The following USP51 variants were observed in gnomAD, a reference collection of about 807,000 sequenced individuals.
The protein encoded by USP51 is ubiquitin carboxyl-terminal hydrolase 51.
USP51 carries 5 observed loss-of-function variants against 17.6 expected under a neutral mutation model. That is an observed-to-expected ratio of 0.28 (90% confidence interval 0.15 to 0.60). The LOEUF (loss-of-function observed/expected upper bound fraction) is 0.60. Among genes scored for constraint, USP51 ranks in the 20% least tolerant of loss-of-function variants. USP51 has a pLI of 0.88. For synonymous variants in USP51, 248 were observed against 216.1 expected (o/e 1.15, Z -1.29); for missense variants, 459 against 559.5 (o/e 0.82, Z 1.81).
At position 55,488,587 on chromosome X, in the gene USP51, G is replaced by A. The variant is rs1297462278; in HGVS notation, c.353C>T (p.Pro118Leu). ...AGGCGGGGGTGGGGCCGAGAGCCCA[G>A]GCTGGCTGCGGGAGCGGGCCCGGGG... ...PQPRARSRSQ[P>L]GLSAPPPPPA... The change falls in exon 3 of 3, where the codon CCT (proline) becomes CTT (leucine). Residue 118 changes from proline (P) to leucine (L), a missense_variant. Around this residue, in one of 2 missense-constraint regions of USP51, gnomAD observed 232 missense variants for 194.0 expected, o/e 1.20. Transcript: ENST00000500968. 9.2e-7 allele frequency: 1 copy of A among 1,090,086 alleles called. No individual in the cohort carries two copies. Among genetic ancestry groups the A allele is most frequent in the African/African-American group, 1.9e-5 (1 of 52,278 alleles). 89.8% of individuals were successfully genotyped at this position (1,090,086 alleles called of 1,213,427 possible).
Position 55,487,488 on chromosome X carries a change from T to A in USP51, c.1452A>T (p.Ile484=), listed in dbSNP as rs775690248. 1 of 1,212,089 alleles carries A rather than the reference T, an allele frequency of 8.3e-7. No individual in the cohort carries two copies. The highest frequency in any genetic ancestry group is 1.1e-6 in the Non-Finnish European group (1 of 895,634). Residue 484 remains isoleucine (I), a synonymous_variant, in exon 3 of 3, where the codon ATA becomes ATT. Coordinates refer to ENST00000500968, the MANE Select transcript of USP51 (RefSeq NM_201286.4). Reference sequence around the variant, plus strand: ...GCAGGCCACCTGTAAAGATTTGGTCTATGATGCAGTTACAGCAGTTGGGGT... The same window carrying A: ...GCAGGCCACCTGTAAAGATTTGGTCAATGATGCAGTTACAGCAGTTGGGGT... ...ANNPNCCNCI[I]DQIFTGGLQS...
At position 55,487,121 on chromosome X, in the gene USP51, G is replaced by T; in HGVS notation, c.1819C>A (p.Arg607=). 2 of 1,211,476 alleles carry T rather than the reference G, an allele frequency of 1.7e-6. No homozygotes were observed. Among genetic ancestry groups the T allele is most frequent in the Non-Finnish European group, 2.2e-6 (2 of 895,421 alleles). Residue 607 remains arginine, a synonymous_variant, in exon 3 of 3, where the codon CGA becomes AGA. Coordinates refer to ENST00000500968, the MANE Select transcript of USP51 (RefSeq NM_201286.4). ...AAGGAGATAAAGGTATTAATCTTTCGCCTCTGTTTGCCTACATGCTCAAAC... is the reference window on the plus strand; with the variant it reads ...AAGGAGATAAAGGTATTAATCTTTCTCCTCTGTTTGCCTACATGCTCAAAC... ...KRFEHVGKQR[R]KINTFISFPL...
Position 55,488,889 on chromosome X carries a change from C to T in USP51, c.51G>A (p.Trp17Ter), listed in dbSNP as rs1350424143. Residue 17 changes from tryptophan (W) to a stop codon, truncating the protein, a stop_gained, in exon 3 of 3, where the codon TGG becomes TGA. Coordinates refer to ENST00000500968, the MANE Select transcript of USP51 (RefSeq NM_201286.4). LOFTEE classifies it low-confidence loss of function (END_TRUNC). ...TSLPSGSGVR[W>*]ISGGGGGASP... Reference sequence around the variant, plus strand: ...AGGCTCCTCCCCCACCTCCGGAGATCCAGCGGACCCCAGAGCCGGAGGGCA... The same window carrying T: ...AGGCTCCTCCCCCACCTCCGGAGATTCAGCGGACCCCAGAGCCGGAGGGCA... 2 of 1,207,356 alleles carry T rather than the reference C, an allele frequency of 1.7e-6. No homozygotes were observed. Among genetic ancestry groups the T allele is most frequent in the African/African-American group, 3.5e-5 (2 of 57,192 alleles).
rs2031304525 is a variant in USP51 at position 55,485,632 on chromosome X, C to T, written c.*1172G>A. On this transcript the variant is annotated 3_prime_UTR_variant, in exon 3 of 3. Coordinates refer to ENST00000500968, the MANE Select transcript of USP51 (RefSeq NM_201286.4). Reference sequence around the variant, plus strand: ...AAATAAAAAAATAGAACTTCTTAAACTTTTAATTTTAATAATTTTTTCTAC... The same window carrying T: ...AAATAAAAAAATAGAACTTCTTAAATTTTTAATTTTAATAATTTTTTCTAC... 1 of 110,379 alleles carries T rather than the reference C, an allele frequency of 9.1e-6. No individual in the cohort carries two copies. The allele number at this position is 110,379 out of a possible 1,213,427, so 9.1% of individuals were successfully genotyped here.
At chrX:55,489,645 C>T (rs948282088) in intron 1 of USP51, among the ~76,000 whole-genome samples, 131 bp downstream of exon 1, 2 of 111,985 alleles carry the variant, frequency 1.8e-5, no homozygotes, top group Non-Finnish European at 3.8e-5. Flanking sequence ...TTACTACTCC[C>T]TCCCTTCACG....
In USP51 at chrX:55,488,853, C is replaced by T. The variant is rs777377179; in HGVS notation, c.87G>A (p.Glu29=). 2 of 1,211,324 alleles carry T rather than the reference C, an allele frequency of 1.7e-6. No homozygotes were observed. Among genetic ancestry groups the T allele is most frequent in the South Asian group, 3.5e-5 (2 of 56,836 alleles). The part of the protein sequence containing the change: ...SGGGGGASPE[E]AVEKAGKMEE... ...CCATTTTCCCCGCCTTCTCAACCGC[C>T]TCCTCAGGAGAGGCTCCTCCCCCAC... The change falls in exon 3 of 3, where the codon GAG becomes GAA. Residue 29 remains glutamate, a synonymous_variant. Transcript: ENST00000500968.
chrX:55,488,621 G>T lies in USP51; in HGVS notation c.319C>A (p.Arg107=). The T allele has an allele frequency of 8.7e-7, 1 of 1,154,377 alleles. No individual in the cohort carries two copies. Among genetic ancestry groups the T allele is most frequent in the South Asian group, 1.9e-5 (1 of 51,426 alleles). Residue 107 remains arginine, a synonymous_variant, in exon 3 of 3, where the codon CGG becomes AGG. Coordinates refer to ENST00000500968, the MANE Select transcript of USP51 (RefSeq NM_201286.4). ...CGGGAGCGGGCCCGGGGCTGGGGCC[G>T]AGGGCGGGGCTTGCGGCGCGGGCAA... ...PVCPRRKPRP[R]PQPRARSRSQ...
Position 55,488,367 on chromosome X carries a change from A to AT in USP51, c.572_573insA (p.Pro192SerfsTer11). The AT allele has an allele frequency of 8.3e-7, 1 of 1,211,402 alleles. No homozygotes were observed. Among genetic ancestry groups the AT allele is most frequent in the Non-Finnish European group, 1.1e-6 (1 of 895,218 alleles). ...TCTCCACATGAGAGCAGCCTGTGGG[A>AT]CCCTGACCAAACTCGACCTCCAGCA... is the stretch of plus-strand genomic sequence containing the variant. On this transcript the variant is annotated frameshift_variant, in exon 3 of 3. Coordinates refer to ENST00000500968, the MANE Select transcript of USP51 (RefSeq NM_201286.4). LOFTEE classifies it low-confidence loss of function (END_TRUNC).
rs751272584 is a variant in USP51 at position 55,487,534 on chromosome X, C to G, written c.1406G>C (p.Ser469Thr). Reference sequence around the variant, plus strand: ...GGGGTTATTGGCCTCCTGCCCACCACTATCATCTTTGCTGTGTCTATGTAG... The same window carrying G: ...GGGGTTATTGGCCTCCTGCCCACCAGTATCATCTTTGCTGTGTCTATGTAG... ...DVLHRHSKDD[S>T]GGQEANNPNC... The change falls in exon 3 of 3, where the codon AGT becomes ACT. Residue 469 changes from serine (S) to threonine (T), a missense_variant. This residue lies in a region of USP51 where 227 missense variants were observed against 365.5 expected (regional missense o/e 0.62). Transcript: ENST00000500968. The G allele has an allele frequency of 8.3e-7, 1 of 1,212,085 alleles. No individual in the cohort carries two copies. Among genetic ancestry groups the G allele is most frequent in the Non-Finnish European group, 1.1e-6 (1 of 895,619 alleles).
At position 55,488,788 on chromosome X, in the gene USP51, C is replaced by T. The variant is rs369085088; in HGVS notation, c.152G>A (p.Arg51His). Residue 51 changes from arginine (R) to histidine (H), a missense_variant, in exon 3 of 3, where the codon CGT becomes CAT. Physicochemically the swap from Arg to His is conservative, Grantham distance 29 (BLOSUM62 0). Coordinates refer to ENST00000500968, the MANE Select transcript of USP51 (RefSeq NM_201286.4). ...CTCCAGCTTCATCTCCTCGGCTTCACGTCTCGAAGACGCCTTCGTAGCCCC... is the reference window on the plus strand; with the variant it reads ...CTCCAGCTTCATCTCCTCGGCTTCATGTCTCGAAGACGCCTTCGTAGCCCC... ...AAGATKASSR[R>H]EAEEMKLEPL... 11 of 1,209,035 alleles carry T rather than the reference C, an allele frequency of 9.1e-6. No homozygotes were observed. The highest frequency in any genetic ancestry group is 1.2e-5 in the Non-Finnish European group (11 of 895,187).
Position 55,489,243 on chromosome X carries a change from C to T in USP51, c.-124G>A. 3.2e-6 allele frequency: 1 copy of T among 308,956 alleles called. No homozygotes were observed. Among genetic ancestry groups the T allele is most frequent in the Non-Finnish European group, 5.6e-6 (1 of 177,999 alleles). The allele number at this position is 308,956 out of a possible 1,213,427, so 25.5% of individuals were successfully genotyped here. On this transcript the variant is annotated 5_prime_UTR_variant, in exon 2 of 3. Transcript: ENST00000500968. ...AGCGAGCGGTGGGGGTGGGGAACGG[C>T]CTGAGCTTTAGGACAGAAAGGATGG...
chrX:55,486,754 A>C lies in USP51; in HGVS notation c.*50T>G, dbSNP rs767018942. The C allele has an allele frequency of 7.8e-6, 9 of 1,150,334 alleles. No individual in the cohort carries two copies. The African/African-American group carries it at 1.6e-4, about 21-fold the overall frequency. 94.8% of individuals were successfully genotyped at this position (1,150,334 alleles called of 1,213,427 possible). A position where few individuals can be genotyped will look rare whatever the true frequency, so the allele number is the denominator to read the frequency against. ...CCAAGTAGGTCTGTGTGTCACTTCA[A>C]AATCCTTGCCTAATCATTTACTTTT... On this transcript the variant is annotated 3_prime_UTR_variant, in exon 3 of 3. Transcript: ENST00000500968.
chrX:55,488,538 C>A lies in USP51; in HGVS notation c.402G>T (p.Pro134=). 1 of 674,092 alleles carries A rather than the reference C, an allele frequency of 1.5e-6. No individual in the cohort carries two copies. The highest frequency in any genetic ancestry group is 1.9e-6 in the Non-Finnish European group (1 of 526,642). 55.6% of individuals were successfully genotyped at this position (674,092 alleles called of 1,213,427 possible). A position where few individuals can be genotyped will look rare whatever the true frequency, so the allele number is the denominator to read the frequency against. The change falls in exon 3 of 3, where the codon CCG becomes CCT. Residue 134 remains proline (P), a synonymous_variant. Coordinates refer to ENST00000500968, the MANE Select transcript of USP51 (RefSeq NM_201286.4). ...GCGGTGCGGGTGGGGGCGGGGGTGG[C>A]GGCGGGGGCGGGGGCCGGGCTGGAG... is the stretch of plus-strand genomic sequence containing the variant. ...PPPPARPPPP[P]PPPPPPAPRP... is the part of the protein sequence containing the mutation.
In USP51 at chrX:55,486,088, C is replaced by T. The variant is rs2031312317; in HGVS notation, c.*716G>A. The T allele has an allele frequency of 9.0e-6, 1 of 110,824 alleles. No individual in the cohort carries two copies. The highest frequency in any genetic ancestry group is 1.9e-5 in the Non-Finnish European group (1 of 52,748). The allele number at this position is 110,824 out of a possible 1,213,427, so 9.1% of individuals were successfully genotyped here. On this transcript the variant is annotated 3_prime_UTR_variant, in exon 3 of 3. Coordinates refer to ENST00000500968, the MANE Select transcript of USP51 (RefSeq NM_201286.4). ...CTTTGTTTCTAACTTTAATTTTTAA[C>T]AGTATTTTCTTCCTTTTTTTGGTAA...
rs774473708 is a variant in USP51, at chrX:55,488,883, G to C, written c.57C>G (p.Ser19=). ...CAGGAGAGGCTCCTCCCCCACCTCCGGAGATCCAGCGGACCCCAGAGCCGG... is the reference window on the plus strand; with the variant it reads ...CAGGAGAGGCTCCTCCCCCACCTCCCGAGATCCAGCGGACCCCAGAGCCGG... ...LPSGSGVRWI[S]GGGGGASPEE... The change falls in exon 3 of 3, where the codon TCC becomes TCG. Residue 19 remains serine, a synonymous_variant. Transcript: ENST00000500968. 3.3e-6 allele frequency: 4 copies of C among 1,207,886 alleles called. No homozygotes were observed. The Admixed American group carries it at 8.7e-5, about 26-fold the overall frequency.
Position 55,485,542 on chromosome X carries a change from C to T in USP51, c.*1262G>A, listed in dbSNP as rs2031303120. 9.2e-6 allele frequency: 1 copy of T among 108,764 alleles called. No individual in the cohort carries two copies. The highest frequency in any genetic ancestry group is 3.3e-5 in the African/African-American group (1 of 30,066). The allele number at this position is 108,764 out of a possible 1,213,427, so 9.0% of individuals were successfully genotyped here. A position where few individuals can be genotyped will look rare whatever the true frequency, so the allele number is the denominator to read the frequency against. On this transcript the variant is annotated 3_prime_UTR_variant, in exon 3 of 3. Coordinates refer to ENST00000500968, the MANE Select transcript of USP51 (RefSeq NM_201286.4). ...ATATATATATATATATACTCACACACCGCTGTCGTTATTCCTGTCTCCTCC... is the reference window on the plus strand; with the variant it reads ...ATATATATATATATATACTCACACATCGCTGTCGTTATTCCTGTCTCCTCC...
Position 55,485,851 on chromosome X carries a change from T to A in USP51, c.*953A>T, listed in dbSNP as rs956343850. 22 of 111,351 alleles carry A rather than the reference T, an allele frequency of 2.0e-4. No individual in the cohort carries two copies. Among genetic ancestry groups the A allele is most frequent in the Admixed American group, 1.0e-3 (11 of 10,523 alleles). 9.2% of individuals were successfully genotyped at this position (111,351 alleles called of 1,213,427 possible). A position where few individuals can be genotyped will look rare whatever the true frequency, so the allele number is the denominator to read the frequency against. Reference sequence around the variant, plus strand: ...TTCAATTTTTGTCTTTAAACACATTTTGTCTTTTTGTCTTGAATTATTCTA... The same window carrying A: ...TTCAATTTTTGTCTTTAAACACATTATGTCTTTTTGTCTTGAATTATTCTA... On this transcript the variant is annotated 3_prime_UTR_variant, in exon 3 of 3. Coordinates refer to ENST00000500968, the MANE Select transcript of USP51 (RefSeq NM_201286.4).
chrX:55,489,136 C>G, intron 2 of USP51, 33 bp downstream of exon 2: 1 of 517,623 alleles, frequency 1.9e-6, no homozygotes, highest in Non-Finnish European at 3.1e-6. Context: ...ACTGAGAGGC[C>G]CCTGGAGCTG....
rs1305100726 is a variant in USP51 at position 55,489,195 on chromosome X, C to T, written c.-76G>A. On this transcript the variant is annotated 5_prime_UTR_variant, in exon 2 of 3. Transcript: ENST00000500968. ...TGCTTCAAAGGCGATCAGATCATGC[C>T]AGGGGACTGGGAACAGAAGGCTAGC... 1 of 385,991 alleles carries T rather than the reference C, an allele frequency of 2.6e-6. No individual in the cohort carries two copies. The highest frequency in any genetic ancestry group is 2.5e-5 in the African/African-American group (1 of 39,589). 31.8% of individuals were successfully genotyped at this position (385,991 alleles called of 1,213,427 possible).
Sources: allele counts gnomAD v4.1 joint callset (sites outside exome capture counted in the v4.1 genomes callset), GRCh38; gene constraint gnomAD v4.1.1; regional missense constraint gnomAD v4.1.1; transcripts MANE v1.5; gene names NCBI Gene and HGNC (gene_info 2026-07-23, HGNC 2026-07-21).